XKR4: variants seen among roughly 807,000 people sequenced by gnomAD.
XKR4 encodes the protein XK-related protein 4.
A neutral mutation model predicts 53.9 loss-of-function variants in XKR4; 12 were observed. The observed-to-expected ratio is 0.22, with a 90% CI of 0.14 to 0.36. XKR4 has a LOEUF of 0.36. Ranked by LOEUF, XKR4 falls within the 10% of genes least tolerant of loss-of-function variation. The probability of loss-of-function intolerance (pLI) is 1.00; values close to 1 mark genes in which losing one functional copy is unlikely to be tolerated. For missense variants in XKR4, 799 were observed against 859.5 expected (o/e 0.93, Z 0.88); for synonymous variants, 354 against 362.4 (o/e 0.98, Z 0.26).
At position 55,420,552 on chromosome 8, in the gene XKR4, G is replaced by A. The variant is rs992752977; in HGVS notation, c.1006+62675G>A. 9.8e-5 allele frequency among the ~76,000 whole-genome samples: 14 copies of A among 143,224 alleles called. No individual in the cohort carries two copies. In the East Asian group the frequency reaches 1.2e-3, roughly 13 times the overall value. 94.0% of individuals were successfully genotyped at this position (143,224 alleles called of 152,430 possible). A position where few individuals can be genotyped will look rare whatever the true frequency, so the allele number is the denominator to read the frequency against. On this transcript the variant is annotated intron_variant, in intron 2 of 2. Coordinates refer to ENST00000327381, the MANE Select transcript of XKR4 (RefSeq NM_052898.2). Reference sequence around the variant, plus strand: ...TCGCAAGAACAAAAAACCAAACACCGCATATTCTCACTCATAGGTCGGAAT... The same window carrying A: ...TCGCAAGAACAAAAAACCAAACACCACATATTCTCACTCATAGGTCGGAAT...
intron 2 of XKR4, among the ~76,000 whole-genome samples, chr8:55,508,092 T>C (rs1333999264): frequency 6.6e-6 from 1 of 152,152 alleles, no homozygotes. Flanking sequence ...TGTTCTTTTA[T>C]TGCTAGCTAG....
At chr8:55,430,437 A>G (rs2129393465) in intron 2 of XKR4, among the ~76,000 whole-genome samples, 1 of 152,334 alleles carries the variant, frequency 6.6e-6, no homozygotes, top group South Asian at 2.1e-4. Flanking sequence ...CAAACTGATG[A>G]TTCAATTTAT....
At position 55,175,772 on chromosome 8, in the gene XKR4, G is replaced by A. The variant is rs151047961; in HGVS notation, c.806+72478G>A. Among the ~76,000 whole-genome samples, 37 of 152,314 alleles carry A rather than the reference G, an allele frequency of 2.4e-4. No homozygotes were observed. In the South Asian group the frequency reaches 7.7e-3, roughly 32 times the overall value. On this transcript the variant is annotated intron_variant, in intron 1 of 2. Coordinates refer to ENST00000327381, the MANE Select transcript of XKR4 (RefSeq NM_052898.2). ...GTGATCTGCTTTTGTGTTATTTATA[G>A]AGAAGACCATATCAGTGTGTAATAA...
chr8:55,128,077 A>G (rs1816498502), intron 1 of XKR4, among the ~76,000 whole-genome samples: 2 of 152,100 alleles, frequency 1.3e-5, no homozygotes, highest in African/African-American at 4.8e-5. Flanking sequence ...ATGATTTATA[A>G]TCCCTTGGGT....
At chr8:55,341,737 A>G (rs545396247) in intron 1 of XKR4, among the ~76,000 whole-genome samples, 37 of 152,210 alleles carry the variant, frequency 2.4e-4, no homozygotes, top group African/African-American at 8.9e-4. Context: ...CGGCTTTCAA[A>G]CTCTTGGCCT....
intron 1 of XKR4, among the ~76,000 whole-genome samples, chr8:55,110,722 T>TTCACC (rs1816219797): frequency 6.6e-6 from 1 of 152,194 alleles, no homozygotes; most frequent in Non-Finnish European, 1.5e-5. Flanking sequence ...GGAGAAGCTA[T>TTCACC]CTGATAGGTA....
intron 1 of XKR4, among the ~76,000 whole-genome samples, chr8:55,123,710 T>C (rs117008037): frequency 2.6e-5 from 4 of 152,222 alleles, no homozygotes; most frequent in Non-Finnish European, 4.4e-5. Context: ...CACGTGCCTC[T>C]ATGTAATATC....
chr8:55,482,797 T>C (rs914647854), intron 2 of XKR4, among the ~76,000 whole-genome samples: 5 of 152,168 alleles, frequency 3.3e-5, no homozygotes, highest in Admixed American at 3.3e-4. Context: ...GTATTTTGGA[T>C]TTCCAAAACA....
chr8:55,520,435 A>G (rs565877469), intron 2 of XKR4, among the ~76,000 whole-genome samples: 1 of 152,216 alleles, frequency 6.6e-6, no homozygotes, highest in South Asian at 2.1e-4. Context: ...AAAATACAAA[A>G]CTTAGCCAGG....
At chr8:55,452,519 C>G (rs1805468757) in intron 2 of XKR4, 1 of 656,732 alleles carries the variant, frequency 1.5e-6, no homozygotes. Flanking sequence ...CCTCACCAGA[C>G]AGCAGGTGCA....
At chr8:55,441,050 A>G (rs2129394853) in intron 2 of XKR4, among the ~76,000 whole-genome samples, 1 of 135,158 alleles carries the variant, frequency 7.4e-6, no homozygotes, top group East Asian at 2.0e-4. Context: ...CAACACAATG[A>G]CACCTCATCT....
intron 1 of XKR4, among the ~76,000 whole-genome samples, chr8:55,217,987 T>C (rs1817829326): frequency 6.6e-6 from 1 of 152,206 alleles, no homozygotes; most frequent in African/African-American, 2.4e-5. Flanking sequence ...ATAATTCTTC[T>C]CTGTGCCTCT....
intron 2 of XKR4, among the ~76,000 whole-genome samples, chr8:55,444,327 T>C (rs1356408973): frequency 6.6e-6 from 1 of 152,184 alleles, no homozygotes; most frequent in East Asian, 1.9e-4. Flanking sequence ...TTAATCTCTC[T>C]TAAAATTACA....
intron 2 of XKR4, among the ~76,000 whole-genome samples, chr8:55,476,443 G>A (rs929002186): frequency 3.3e-5 from 5 of 152,126 alleles, no homozygotes; most frequent in Non-Finnish European, 5.9e-5. Flanking sequence ...CAAGATGGCC[G>A]AATAGGAACA....
At chr8:55,298,953 T>C (rs1176594037) in intron 1 of XKR4, among the ~76,000 whole-genome samples, 1 of 152,144 alleles carries the variant, frequency 6.6e-6, no homozygotes, top group Non-Finnish European at 1.5e-5. Context: ...GTTATCAAAC[T>C]CAGGGCATTC....
chr8:55,194,640 A>G (rs890111224), intron 1 of XKR4, among the ~76,000 whole-genome samples: 10 of 152,208 alleles, frequency 6.6e-5, no homozygotes, highest in African/African-American at 2.4e-4. Flanking sequence ...ATATTGTGCT[A>G]AAATTAATCT....
intron 1 of XKR4, among the ~76,000 whole-genome samples, chr8:55,122,786 A>G (rs1816410100): frequency 6.6e-6 from 1 of 152,234 alleles, no homozygotes; most frequent in South Asian, 2.1e-4. Context: ...CTTGCAGCAA[A>G]GTGCCTGCCC....
intron 1 of XKR4, among the ~76,000 whole-genome samples, chr8:55,146,045 G>A (rs1051374071): frequency 1.3e-5 from 2 of 152,228 alleles, no homozygotes; most frequent in Non-Finnish European, 2.9e-5. Context: ...TTGCAAATGG[G>A]AATTATGAAA....
intron 1 of XKR4, among the ~76,000 whole-genome samples, chr8:55,251,012 C>T (rs1818353926): frequency 6.6e-6 from 1 of 152,124 alleles, no homozygotes; most frequent in South Asian, 2.1e-4. Flanking sequence ...GCTAGGAATC[C>T]AACAGGGACG....
Sources: allele counts gnomAD v4.1 joint callset (sites outside exome capture counted in the v4.1 genomes callset), GRCh38; gene constraint gnomAD v4.1.1; transcripts MANE v1.5; gene names NCBI Gene and HGNC (gene_info 2026-07-23, HGNC 2026-07-21).